The following RGS6 variants were observed in gnomAD, a reference collection of about 807,000 sequenced individuals.
RGS6 encodes the protein regulator of G protein signaling 6, also known as regulator of G-protein signaling 6.
A neutral mutation model predicts 78.5 loss-of-function variants in RGS6; 30 were observed. The ratio of observed to expected loss-of-function variants is 0.38; its 90% CI spans 0.29 to 0.52. The LOEUF (loss-of-function observed/expected upper bound fraction) is 0.52. Ranked by LOEUF, RGS6 falls within the 20% of genes least tolerant of loss-of-function variation. The pLI is 0.85. For synonymous variants in RGS6, 206 were observed against 206.0 expected (o/e 1.00, Z 0.00); for missense variants, 495 against 609.7 (o/e 0.81, Z 1.98).
intron 1 of RGS6, among the ~76,000 whole-genome samples, chr14:71,945,488 T>C (rs2091370120): frequency 6.6e-6 from 1 of 152,228 alleles, no homozygotes; most frequent in Non-Finnish European, 1.5e-5. Flanking sequence ...TCTTCCACAA[T>C]GGTAACAAGT....
At chr14:72,105,240 T>G (rs2095609847) in intron 2 of RGS6, among the ~76,000 whole-genome samples, 1 of 152,202 alleles carries the variant, frequency 6.6e-6, no homozygotes, top group Admixed American at 6.5e-5. Context: ...CCTGATGTGG[T>G]TTTGCCTCTA....
intron 2 of RGS6, among the ~76,000 whole-genome samples, chr14:72,234,375 G>A (rs561920723): frequency 1.3e-5 from 2 of 151,816 alleles, no homozygotes; most frequent in South Asian, 2.1e-4. Flanking sequence ...AGAGACTGAT[G>A]TATAAAAACA....
chr14:71,923,970 C>A, the RGS6 span, among the ~76,000 whole-genome samples: 19 of 152,328 alleles, frequency 1.2e-4, no homozygotes, highest in African/African-American at 4.6e-4. Flanking sequence ...TCTTGAGATA[C>A]AAGGTAATCT....
chr14:72,426,560 G>C (rs1448416902), intron 3 of RGS6, among the ~76,000 whole-genome samples: 1 of 152,246 alleles, frequency 6.6e-6, no homozygotes, highest in Non-Finnish European at 1.5e-5. Flanking sequence ...GAGAGGTTGA[G>C]TGACATTCCC....
chr14:72,096,276 G>A (rs2283419), intron 2 of RGS6, among the ~76,000 whole-genome samples: 1 of 143,384 alleles, frequency 7.0e-6, no homozygotes. Flanking sequence ...GTGAGACTCT[G>A]TCTTAAAAAA....
intron 2 of RGS6, among the ~76,000 whole-genome samples, chr14:72,132,945 G>A (rs1272724295): frequency 2.6e-5 from 4 of 152,040 alleles, no homozygotes; most frequent in Admixed American, 2.0e-4. Context: ...AAGGAAATGT[G>A]TTCCATTAGA....
At chr14:71,919,818 A>T in the RGS6 span, among the ~76,000 whole-genome samples, 3 of 152,060 alleles carry the variant, frequency 2.0e-5, no homozygotes, top group African/African-American at 7.2e-5. Context: ...ACATGGTGAA[A>T]CTCCATCTCT....
chr14:71,879,112 A>G, the RGS6 span, among the ~76,000 whole-genome samples: 1 of 152,202 alleles, frequency 6.6e-6, no homozygotes, highest in Non-Finnish European at 1.5e-5. Flanking sequence ...AAAGGGAAGA[A>G]AAACCCCAAG....
intron 2 of RGS6, among the ~76,000 whole-genome samples, chr14:72,103,696 T>C (rs1030914766): frequency 6.6e-6 from 1 of 152,214 alleles, no homozygotes; most frequent in Non-Finnish European, 1.5e-5. Flanking sequence ...TGAATAGGCC[T>C]GGGCTTGTTC....
intron 2 of RGS6, among the ~76,000 whole-genome samples, chr14:72,348,076 A>C (rs12882470): frequency 6.6e-6 from 1 of 152,236 alleles, no homozygotes; most frequent in East Asian, 1.9e-4. Context: ...GAAGTTTCCT[A>C]GGATCAGCCA....
At chr14:71,883,548 G>A in the RGS6 span, among the ~76,000 whole-genome samples, 1 of 152,196 alleles carries the variant, frequency 6.6e-6, no homozygotes, top group Non-Finnish European at 1.5e-5. Context: ...AGTAGGGGCT[G>A]TGTACTATAA....
chr14:71,918,096 G>T, the RGS6 span, among the ~76,000 whole-genome samples: 6 of 148,920 alleles, frequency 4.0e-5, no homozygotes, highest in Non-Finnish European at 8.9e-5. Flanking sequence ...CAGGAGAATG[G>T]CGTGAACCCG....
At position 72,496,185 on chromosome 14, in the gene RGS6, C is replaced by A. The variant is rs926908304; in HGVS notation, c.965+923C>A. Reference sequence around the variant, plus strand: ...GCTCTCTTCCTCCAACCCGATTTCACCTTCCAGAAAGAACCTTTGTTTATA... The same window carrying A: ...GCTCTCTTCCTCCAACCCGATTTCAACTTCCAGAAAGAACCTTTGTTTATA... On this transcript the variant is annotated intron_variant, in intron 13 of 17. Transcript: ENST00000553525. 1.7e-4 allele frequency among the ~76,000 whole-genome samples: 26 copies of A among 151,404 alleles called. 1 individual carries two copies. Among genetic ancestry groups the A allele is most frequent in the Non-Finnish European group, 8.8e-5 (6 of 67,990 alleles).
intron 2 of RGS6, among the ~76,000 whole-genome samples, chr14:72,346,012 C>T (rs2077970118): frequency 6.6e-6 from 1 of 152,122 alleles, no homozygotes; most frequent in Non-Finnish European, 1.5e-5. Flanking sequence ...ATTTTCACTC[C>T]TTTGCAGACA....
At position 72,103,034 on chromosome 14, in the gene RGS6, A is replaced by G. The variant is rs17107243; in HGVS notation, c.84+138159A>G. ...TGCTGATCAGAGTTAAACATTGTGT[A>G]CAAAATACCTTAGGAGGAATTTGAG... On this transcript the variant is annotated intron_variant, in intron 2 of 17. Coordinates refer to ENST00000553525, the MANE Select transcript of RGS6 (RefSeq NM_001204424.2). Among the ~76,000 whole-genome samples the G allele has an allele frequency of 7.1e-3, 1,088 of 152,324 alleles. 39 individuals are homozygous for G. Among genetic ancestry groups the G allele is most frequent in the Admixed American group, 0.063 (957 of 15,298 alleles).
At chr14:71,933,710 A>G (rs777117134) in intron 1 of RGS6, among the ~76,000 whole-genome samples, 10 of 152,232 alleles carry the variant, frequency 6.6e-5, no homozygotes, top group Non-Finnish European at 1.5e-5. Flanking sequence ...CTATGTTACA[A>G]ACTGAAGATA....
the RGS6 span, among the ~76,000 whole-genome samples, chr14:71,887,671 C>A: frequency 6.6e-6 from 1 of 152,114 alleles, no homozygotes; most frequent in Non-Finnish European, 1.5e-5. Flanking sequence ...GTGGTCAGAC[C>A]AGTTCTCTGC....
chr14:72,415,917 AGGCGGG>A (rs1310246885), intron 3 of RGS6, among the ~76,000 whole-genome samples: 2 of 152,164 alleles, frequency 1.3e-5, no homozygotes, highest in Non-Finnish European at 2.9e-5. Context: ...CGGGAGGCCA[AGGCGGG>A]CAGATCATGA....
At chr14:72,039,688 A>T (rs1303849391) in intron 2 of RGS6, among the ~76,000 whole-genome samples, 1 of 152,086 alleles carries the variant, frequency 6.6e-6, no homozygotes, top group Non-Finnish European at 1.5e-5. Flanking sequence ...TTTACATTGA[A>T]GCAATTACTG....
Sources: allele counts gnomAD v4.1 joint callset (sites outside exome capture counted in the v4.1 genomes callset), GRCh38; gene constraint gnomAD v4.1.1; transcripts MANE v1.5; gene names NCBI Gene and HGNC (gene_info 2026-07-23, HGNC 2026-07-21).